The following SMG5 variants were observed in gnomAD, a reference collection of about 807,000 sequenced individuals.
SMG5 encodes the protein nonsense-mediated mRNA decay factor SMG5.
A neutral mutation model predicts 122.9 loss-of-function variants in SMG5; 53 were observed. That is an observed-to-expected ratio of 0.43 (90% CI 0.35 to 0.54). The LOEUF (loss-of-function observed/expected upper bound fraction) is 0.54, where lower values mean the gene tolerates loss of function less well. SMG5 is among the 20% of genes least tolerant of loss of function. The probability of loss-of-function intolerance (pLI) is 0.01; values close to 1 mark genes in which losing one functional copy is unlikely to be tolerated. For synonymous variants in SMG5, 477 were observed against 490.2 expected (o/e 0.97, Z 0.35); for missense variants, 1,153 against 1,285.6 (o/e 0.90, Z 1.58).
rs1246246972 is a variant in SMG5, at chr1:156,250,762, G to GA, written c.2968-93dup. The GA allele has an allele frequency of 5.0e-6, 8 of 1,600,200 alleles. No individual in the cohort carries two copies. In the East Asian group the frequency reaches 1.3e-4, roughly 27 times the overall value. On this transcript the variant is annotated intron_variant, in intron 21 of 21. Coordinates refer to ENST00000361813, the MANE Select transcript of SMG5 (RefSeq NM_015327.3). The stretch of plus-strand genomic sequence containing the variant: ...GCGCTGGGGAAGGAGTGATGGAAGA[G>GA]AAAAAAAGGTAGCTATGTGGAGGGT...
At chr1:156,256,201 C>T (rs2103210738) in intron 16 of SMG5, among the ~76,000 whole-genome samples, 1 of 151,888 alleles carries the variant, frequency 6.6e-6, no homozygotes, top group South Asian at 2.1e-4. Context: ...TCCTGCACAA[C>T]AAAGAATTGT....
upstream of SMG5, chr1:156,286,538 T>C: frequency 1.3e-6 from 2 of 1,540,078 alleles, no homozygotes; most frequent in Non-Finnish European, 1.8e-6. Flanking sequence ...GGCATCTGAA[T>C]GTCTGGAGAG....
At position 156,282,552 on chromosome 1, in the gene SMG5, C is replaced by T. The variant is rs1663004543; in HGVS notation, c.74+55G>A. 3.2e-6 allele frequency: 5 copies of T among 1,543,324 alleles called. No homozygotes were observed. In the Admixed American group the frequency reaches 7.7e-5, roughly 24 times the overall value. On this transcript the variant is annotated intron_variant, in intron 1 of 21. Transcript: ENST00000361813. ...CCCGCCCGCCCGGGAGGCCCCGCCC[C>T]TCGCCGTCTCCCCACTTCCCTCGGT...
Position 156,258,998 on chromosome 1 carries a change from G to T in SMG5, c.2442+7C>A. 1 of 1,613,590 alleles carries T rather than the reference G, an allele frequency of 6.2e-7. No homozygotes were observed. Among genetic ancestry groups the T allele is most frequent in the South Asian group, 1.1e-5 (1 of 91,014 alleles). On this transcript the variant is annotated splice_region_variant and intron_variant, in intron 16 of 21. Coordinates refer to ENST00000361813, the MANE Select transcript of SMG5 (RefSeq NM_015327.3). Reference sequence around the variant, plus strand: ...AGAGCTGACGGGGAGGGGAAGGCCTGACTCACCATTCGGAACTGTGCCTGG... The same window carrying T: ...AGAGCTGACGGGGAGGGGAAGGCCTTACTCACCATTCGGAACTGTGCCTGG...
At chr1:156,251,229 G>T in intron 20 of SMG5, 174 bp downstream of exon 20, 1 of 926,362 alleles carries the variant, frequency 1.1e-6, no homozygotes, top group Non-Finnish European at 1.7e-6. Flanking sequence ...CAGAGGAAAA[G>T]CTCAGGTGCT....
intron 7 of SMG5, among the ~76,000 whole-genome samples, chr1:156,271,577 T>G (rs1273239390): frequency 2.8e-5 from 4 of 143,462 alleles, no homozygotes; most frequent in African/African-American, 7.8e-5. Flanking sequence ...TTTTTTTTTT[T>G]TTTTTTTTTT....
In SMG5 at chr1:156,260,470, A is replaced by G; in HGVS notation, c.2264T>C (p.Leu755Pro). 1 of 1,597,604 alleles carries G rather than the reference A, an allele frequency of 6.3e-7. No homozygotes were observed. The highest frequency in any genetic ancestry group is 2.3e-5 in the East Asian group (1 of 43,246). ...CCTTACCTCCTCTAAGGTGCTGAGC[A>G]GGGGCCGATCCGTGTCAAAGTTAAA... ...RRFNFDTDRP[L>P]LSTLEESVVR... Residue 755 changes from leucine to proline, a missense_variant, in exon 15 of 22, where the codon CTG becomes CCG. This residue lies in a region of SMG5 where 631 missense variants were observed against 650.6 expected (regional missense o/e 0.97). Transcript: ENST00000361813.
chr1:156,273,277 T>G (rs1408085504), intron 6 of SMG5, 84 bp downstream of exon 6: 2 of 1,090,144 alleles, frequency 1.8e-6, no homozygotes, highest in East Asian at 4.7e-5. Context: ...GGAAAATGAG[T>G]ATGAACTGCC....
chr1:156,283,892 G>T (rs902422179), upstream of SMG5, among the ~76,000 whole-genome samples: 2 of 152,146 alleles, frequency 1.3e-5, no homozygotes, highest in African/African-American at 4.8e-5. Context: ...TAGTTGCTAG[G>T]CTTCTTCATT....
In SMG5 at chr1:156,265,368, A is replaced by G. The variant is rs189701090; in HGVS notation, c.1855+413T>C. ...GCCTTAACAAACGGTTGCTGCTACT[A>G]AATGGGTACTCTGTTTGCAGGGAAT... On this transcript the variant is annotated intron_variant, in intron 12 of 21. Transcript: ENST00000361813. Among the ~76,000 whole-genome samples, 4 of 152,338 alleles carry G rather than the reference A, an allele frequency of 2.6e-5. No homozygotes were observed. In the East Asian group the frequency reaches 7.7e-4, roughly 29 times the overall value.
chr1:156,289,493 T>A, the SMG5 span, among the ~76,000 whole-genome samples: 1 of 152,176 alleles, frequency 6.6e-6, no homozygotes, highest in African/African-American at 2.4e-5. Context: ...GTACCTGTAG[T>A]CCCAGCTACT....
At chr1:156,257,329 A>G (rs1267862444) in intron 16 of SMG5, among the ~76,000 whole-genome samples, 3 of 152,116 alleles carry the variant, frequency 2.0e-5, no homozygotes, top group African/African-American at 7.2e-5. Flanking sequence ...GTGCACAGAG[A>G]AAACTCTTGA....
intron 10 of SMG5, 103 bp from the exon 11 acceptor site, chr1:156,266,781 C>T (rs1662172686): frequency 1.6e-6 from 2 of 1,254,764 alleles, no homozygotes; most frequent in South Asian, 1.6e-5. Flanking sequence ...TTCCAAGGAT[C>T]CAACTACTTA....
chr1:156,263,992 G>A (rs1354545725), intron 12 of SMG5, among the ~76,000 whole-genome samples: 4 of 152,068 alleles, frequency 2.6e-5, no homozygotes, highest in Admixed American at 6.6e-5. Flanking sequence ...CTTTCAGGCC[G>A]GGCGTGGTGG....
chr1:156,275,484 T>C (rs1362380729), intron 4 of SMG5, among the ~76,000 whole-genome samples: 3 of 152,222 alleles, frequency 2.0e-5, no homozygotes, highest in Non-Finnish European at 4.4e-5. Context: ...GTTACTCTTA[T>C]TACTCCCATT....
At chr1:156,257,320 T>C (rs1661622740) in intron 16 of SMG5, among the ~76,000 whole-genome samples, 1 of 152,146 alleles carries the variant, frequency 6.6e-6, no homozygotes, top group Non-Finnish European at 1.5e-5. Flanking sequence ...AACCAGGCTG[T>C]GCACAGAGAA....
intron 16 of SMG5, among the ~76,000 whole-genome samples, chr1:156,256,067 T>G (rs1255574435): frequency 1.3e-5 from 2 of 152,122 alleles, no homozygotes; most frequent in Non-Finnish European, 2.9e-5. Flanking sequence ...TAAGGATACA[T>G]GACAGTCAAA....
At chr1:156,263,343 CCT>C in intron 13 of SMG5, 50 bp downstream of exon 13, 2 of 1,558,302 alleles carry the variant, frequency 1.3e-6, no homozygotes, top group Non-Finnish European at 1.7e-6. Context: ...TGGCTCATCC[CCT>C]CCTCCAAGAC....
chr1:156,282,757 C>G lies in SMG5; in HGVS notation c.-77G>C. 1 of 1,458,126 alleles carries G rather than the reference C, an allele frequency of 6.9e-7. No homozygotes were observed. Among genetic ancestry groups the G allele is most frequent in the South Asian group, 1.3e-5 (1 of 79,966 alleles). 90.3% of individuals were successfully genotyped at this position (1,458,126 alleles called of 1,614,324 possible). On this transcript the variant is annotated 5_prime_UTR_variant, in exon 1 of 22. Coordinates refer to ENST00000361813, the MANE Select transcript of SMG5 (RefSeq NM_015327.3). ...CTACCGCCAACACTGCCGTCTCCGGCCGTAGCCGCAGCCGCCGCCGCCACC... is the reference window on the plus strand; with the variant it reads ...CTACCGCCAACACTGCCGTCTCCGGGCGTAGCCGCAGCCGCCGCCGCCACC...
Sources: gnomAD v4.1 joint callset for allele counts (sites outside exome capture counted in the v4.1 genomes callset) on GRCh38, gnomAD v4.1.1 for gene constraint, gnomAD v4.1.1 regional missense constraint, MANE v1.5 for transcripts, NCBI Gene and HGNC (gene_info 2026-07-23, HGNC 2026-07-21) for gene names.